Variants in ITGA7 observed in about 807,000 individuals in gnomAD.
ITGA7 encodes integrin subunit alpha 7.
Under a neutral mutation model 131.6 loss-of-function variants are expected in ITGA7, and 84 were observed. The observed-to-expected ratio is 0.64, with a 90% CI of 0.54 to 0.77. ITGA7 has a LOEUF of 0.77. ITGA7 is among the 30% of genes least tolerant of loss of function. ITGA7 has a pLI of 0.00. For synonymous variants in ITGA7, 548 were observed against 600.7 expected, an observed-to-expected ratio of 0.91 and a Z score of 1.28; for missense variants, 1,399 against 1,482.9, an observed-to-expected ratio of 0.94 and a Z score of 0.93.
rs1161979576 is a variant in ITGA7 at position 55,698,383 on chromosome 12, C to G, written c.1192G>C (p.Asp398His). ...GAGCCTTTCCAGTTCCCCGTCACAC[C>G]TGGAAAGCCATCTTGGTTGAGGTCC... Reference protein sequence around the residue: ...LGDLNQDGFPDIAVGAPFDGD... With the variant: ...LGDLNQDGFPHIAVGAPFDGD... The change falls in exon 7 of 25, where the codon GAT becomes CAT. Residue 398 changes from aspartate (D) to histidine (H), a missense_variant and splice_region_variant. Physicochemically the swap from Asp to His is moderately conservative, Grantham distance 81 (BLOSUM62 -1). Transcript: ENST00000257879. 6.2e-7 allele frequency: 1 copy of G among 1,611,056 alleles called. No individual in the cohort carries two copies. Among genetic ancestry groups the G allele is most frequent in the Non-Finnish European group, 8.5e-7 (1 of 1,178,708 alleles).
rs564889237 is a variant in ITGA7, at chr12:55,695,028, C to T, written c.2004-58G>A. The stretch of plus-strand genomic sequence containing the variant: ...TGAACACCTCCCCCTACCATTCCCC[C>T]GCCCAGTCTGCTCCCCCAGTACCTG... On this transcript the variant is annotated intron_variant, in intron 14 of 24. Transcript: ENST00000257879. 1.8e-3 allele frequency: 2,795 copies of T among 1,537,630 alleles called. 7 individuals are homozygous for T. Among genetic ancestry groups the T allele is most frequent in the Non-Finnish European group, 1.9e-3 (2,135 of 1,130,388 alleles).
chr12:55,692,533 T>C (rs1871663704), intron 21 of ITGA7, among the ~76,000 whole-genome samples: 1 of 152,348 alleles, frequency 6.6e-6, no homozygotes, highest in Non-Finnish European at 1.5e-5. Context: ...GACCTCAAAG[T>C]GTGAGGATGG....
chr12:55,698,241 CTGGTAAA>C, intron 7 of ITGA7, 135 bp downstream of exon 7: 1 of 920,516 alleles, frequency 1.1e-6, no homozygotes, highest in Admixed American at 2.6e-5. Context: ...GGTCAGAAAG[CTGGTAAA>C]TGGTACAGCT....
rs57272846 is a variant in ITGA7 at position 55,692,679 on chromosome 12, G to A, written c.2844+165C>T. Among the ~76,000 whole-genome samples, 339 of 152,262 alleles carry A rather than the reference G, an allele frequency of 2.2e-3. 9 individuals carry two copies. In the East Asian group the frequency reaches 0.06, roughly 27 times the overall value. ...GCAATTGCAGGGGCTGAGCAGGAAG[G>A]GGGTCTGCAGTGTCAGTAGCTGCCT... On this transcript the variant is annotated intron_variant, in intron 21 of 24. Coordinates refer to ENST00000257879, the MANE Select transcript of ITGA7 (RefSeq NM_002206.3).
upstream of ITGA7, chr12:55,708,096 C>G (rs1875630225): frequency 1.1e-6 from 1 of 944,932 alleles, no homozygotes. Flanking sequence ...CGGCTCCGCC[C>G]CTGCGCGGCG....
In ITGA7 at chr12:55,699,735, T is replaced by G. The variant is rs1243551174; in HGVS notation, c.790+135A>C. On this transcript the variant is annotated intron_variant, in intron 5 of 24. Coordinates refer to ENST00000257879, the MANE Select transcript of ITGA7 (RefSeq NM_002206.3). Reference sequence around the variant, plus strand: ...ATTGGACCCAGCTCTTCTCTGCAATTTGGGCCCAATGTATGTCTCCCTGGG... The same window carrying G: ...ATTGGACCCAGCTCTTCTCTGCAATGTGGGCCCAATGTATGTCTCCCTGGG... 3.4e-6 allele frequency: 4 copies of G among 1,172,294 alleles called. No individual in the cohort carries two copies. In the African/African-American group the frequency reaches 4.6e-5, roughly 13 times the overall value. 72.6% of individuals were successfully genotyped at this position (1,172,294 alleles called of 1,614,324 possible). A position where few individuals can be genotyped will look rare whatever the true frequency, so the allele number is the denominator to read the frequency against.
chr12:55,688,104 G>A lies in ITGA7; in HGVS notation c.3058-8C>T. The A allele has an allele frequency of 6.2e-7, 1 of 1,614,192 alleles. No individual in the cohort carries two copies. Among genetic ancestry groups the A allele is most frequent in the Non-Finnish European group, 8.5e-7 (1 of 1,180,028 alleles). ...GTATACCATCACTGGGATCTGGGGA[G>A]CAAGGGGTCAATGGAGCAAGAGGTC... is the stretch of plus-strand genomic sequence containing the variant. On this transcript the variant is annotated splice_polypyrimidine_tract_variant and splice_region_variant and intron_variant, in intron 23 of 24. Coordinates refer to ENST00000257879, the MANE Select transcript of ITGA7 (RefSeq NM_002206.3).
In ITGA7 at chr12:55,684,881, AAGG is replaced by A. The variant is rs1480498641; in HGVS notation, c.*174_*176del. 3.3e-6 allele frequency: 2 copies of A among 604,176 alleles called. No individual in the cohort carries two copies. The highest frequency in any genetic ancestry group is 3.7e-5 in the African/African-American group (2 of 53,886). 37.4% of individuals were successfully genotyped at this position (604,176 alleles called of 1,614,324 possible). ...ACCCACTCTCATCTCACAGCACTCTAAGGGGAAGTTGGGTGGGAGGAGTTCTTG... is the reference window on the plus strand; with the variant it reads ...ACCCACTCTCATCTCACAGCACTCTAGGAAGTTGGGTGGGAGGAGTTCTTG... On this transcript the variant is annotated 3_prime_UTR_variant, in exon 25 of 25. Transcript: ENST00000257879.
In ITGA7 at chr12:55,707,571, C is replaced by A. The variant is rs1362194091; in HGVS notation, c.112G>T (p.Val38Leu). ...FSRAVAFNLD[V>L]MGALRKEGEP... ...CCCTCCTTGCGCAAGGCACCCATCA[C>A]GTCCAGATTGAAGGCGACAGCCCGT... Residue 38 changes from valine (V) to leucine (L), a missense_variant, in exon 1 of 25, where the codon GTG becomes TTG. Coordinates refer to ENST00000257879, the MANE Select transcript of ITGA7 (RefSeq NM_002206.3). 1.9e-6 allele frequency: 3 copies of A among 1,613,928 alleles called. No homozygotes were observed. Among genetic ancestry groups the A allele is most frequent in the Non-Finnish European group, 2.5e-6 (3 of 1,179,926 alleles).
At chr12:55,702,723 C>T in intron 3 of ITGA7, 149 bp downstream of exon 3, 2 of 720,284 alleles carry the variant, frequency 2.8e-6, no homozygotes, top group Admixed American at 4.0e-5. Context: ...GACCATGTCT[C>T]ACACCTTTTT....
upstream of ITGA7, chr12:55,716,303 G>A: frequency 6.6e-7 from 1 of 1,515,538 alleles, no homozygotes; most frequent in South Asian, 1.3e-5. Context: ...ACGCCAGCTA[G>A]CGGGCAACGG....
chr12:55,712,088 C>T (rs1876170698), upstream of ITGA7: 4 of 1,551,528 alleles, frequency 2.6e-6, no homozygotes, highest in Non-Finnish European at 3.5e-6. Flanking sequence ...ATCCTTCTGC[C>T]TGCCTCTGAA....
Position 55,699,955 on chromosome 12 carries a change from G to T in ITGA7, c.705C>A (p.Asp235Glu). The T allele has an allele frequency of 1.2e-6, 2 of 1,614,148 alleles. No individual in the cohort carries two copies. Among genetic ancestry groups the T allele is most frequent in the Non-Finnish European group, 8.5e-7 (1 of 1,180,022 alleles). Residue 235 changes from aspartate to glutamate, a missense_variant, in exon 5 of 25, where the codon GAC (aspartate) becomes GAA (glutamate). Asp to Glu is a conservative substitution (Grantham distance 45). Coordinates refer to ENST00000257879, the MANE Select transcript of ITGA7 (RefSeq NM_002206.3). ...AAGTTTTATACACCAGCTGGTCGGG[G>T]TCTGAGCTATCAATGTTGGTCACAA... ...LLFVTNIDSS[D>E]PDQLVYKTLD...
Position 55,688,737 on chromosome 12 carries a change from G to GC in ITGA7, c.2958+106_2958+107insG, listed in dbSNP as rs57885211. 1.9e-4 allele frequency: 150 copies of GC among 798,074 alleles called. 2 individuals carry two copies. In the African/African-American group the frequency reaches 2.5e-3, roughly 13 times the overall value. 49.4% of individuals were successfully genotyped at this position (798,074 alleles called of 1,614,324 possible). A position where few individuals can be genotyped will look rare whatever the true frequency, so the allele number is the denominator to read the frequency against. On this transcript the variant is annotated intron_variant, in intron 22 of 24. Transcript: ENST00000257879. ...GACTCCGTCTCAAAAAAAAAAAAAA[G>GC]GGGGGGGATGCTGCATTTGGACAGT...
Position 55,694,185 on chromosome 12 carries a change from G to A in ITGA7, c.2433-62C>T. 6.2e-7 allele frequency: 1 copy of A among 1,609,302 alleles called. No homozygotes were observed. The highest frequency in any genetic ancestry group is 1.1e-5 in the South Asian group (1 of 90,962). The stretch of plus-strand genomic sequence containing the variant: ...TGGGGCCTGGCTCAATGAAGGCAGG[G>A]CCCTGGCCAAGGTTTGGAAATGTCA... On this transcript the variant is annotated intron_variant, in intron 18 of 24. Transcript: ENST00000257879. This position sits in a 1 kb window ranked among gnomAD's most constrained non-coding sequence, Gnocchi z 5.3.
intron 23 of ITGA7, 40 bp downstream of exon 23, chr12:55,688,162 A>C (rs755740089): frequency 3.1e-6 from 5 of 1,613,848 alleles, no homozygotes; most frequent in Non-Finnish European, 4.2e-6. Context: ...GCAGGAAAGA[A>C]GAGAGTCCTC....
rs751488036 is a variant in ITGA7, at chr12:55,694,771, T to C, written c.2196+7A>G. 8.1e-6 allele frequency: 13 copies of C among 1,613,082 alleles called. No individual in the cohort carries two copies. The African/African-American group carries it at 1.3e-4, about 17-fold the overall frequency. On this transcript the variant is annotated splice_region_variant and intron_variant, in intron 15 of 24. Coordinates refer to ENST00000257879, the MANE Select transcript of ITGA7 (RefSeq NM_002206.3). The surrounding 1 kb of genome is among the most constrained non-coding windows in gnomAD (Gnocchi z 5.3). The stretch of plus-strand genomic sequence containing the variant: ...GACCCCACCCCATCCTGCCCCCAGG[T>C]CCTCACCGCAGGGTCCAGGGCCCGG...
At chr12:55,700,523 A>C in intron 4 of ITGA7, 1 of 1,145,270 alleles carries the variant, frequency 8.7e-7, no homozygotes, top group Non-Finnish European at 1.2e-6. Flanking sequence ...CCTGTCCCCA[A>C]CCCAGGCTTC....
rs1222228458 is a variant in ITGA7, at chr12:55,698,833, C to G, written c.875G>C (p.Gly292Ala). The G allele has an allele frequency of 1.9e-6, 3 of 1,613,856 alleles. No homozygotes were observed. The highest frequency in any genetic ancestry group is 2.5e-6 in the Non-Finnish European group (3 of 1,179,982). The change falls in exon 6 of 25, where the codon GGT becomes GCT. Residue 292 changes from glycine to alanine, a missense_variant. Transcript: ENST00000257879. ...VAGAPRANHKGAVVILRKDSA... is the reference protein window; with the variant it reads ...VAGAPRANHKAAVVILRKDSA... ...GTCCTTGCGCAGGATGACCACAGCACCCTTGTGGTTGGCGCGGGGGGCTCC... is the reference window on the plus strand; with the variant it reads ...GTCCTTGCGCAGGATGACCACAGCAGCCTTGTGGTTGGCGCGGGGGGCTCC...
Sources: allele counts gnomAD v4.1 joint callset (sites outside exome capture counted in the v4.1 genomes callset), GRCh38; gene constraint gnomAD v4.1.1; non-coding constraint Gnocchi (gnomAD v3.1); transcripts MANE v1.5; gene names NCBI Gene and HGNC (gene_info 2026-07-23, HGNC 2026-07-21).